Variants in LYN observed in about 807,000 individuals in gnomAD.
LYN encodes LYN proto-oncogene, Src family tyrosine kinase.
LYN carries 12 observed loss-of-function variants against 65.0 expected under a neutral mutation model. That is an observed-to-expected ratio of 0.18 (90% CI 0.12 to 0.30). The LOEUF (loss-of-function observed/expected upper bound fraction) is 0.30, where lower values mean the gene tolerates loss of function less well. Among genes scored for constraint, LYN ranks in the 10% least tolerant of loss-of-function variants. The probability of loss-of-function intolerance (pLI) is 1.00; values close to 1 mark genes in which losing one functional copy is unlikely to be tolerated. For synonymous variants in LYN, 222 were observed against 221.2 expected, an observed-to-expected ratio of 1.00 and a Z score of -0.03; for missense variants, 380 against 623.2, an observed-to-expected ratio of 0.61 and a Z score of 4.16.
intron 11 of LYN, among the ~76,000 whole-genome samples, chr8:55,999,209 G>C (rs2130584857): frequency 6.6e-6 from 1 of 152,108 alleles, no homozygotes; most frequent in East Asian, 1.9e-4. Flanking sequence ...AAGCATTGTT[G>C]AACAAGGATT....
intron 1 of LYN, among the ~76,000 whole-genome samples, chr8:55,917,038 G>A (rs1397004532): frequency 6.6e-6 from 1 of 151,876 alleles, no homozygotes; most frequent in African/African-American, 2.4e-5. Context: ...TTAGCCAGGC[G>A]CCGTGGTGCA....
intron 1 of LYN, among the ~76,000 whole-genome samples, chr8:55,922,186 C>T (rs1780830344): frequency 1.3e-5 from 2 of 152,264 alleles, no homozygotes; most frequent in South Asian, 2.1e-4. Flanking sequence ...CTCCCAGACA[C>T]AAGCAATTCT....
rs1806830686 is a variant in LYN, at chr8:55,947,874, G to A, written c.284+151G>A. The A allele has an allele frequency of 8.2e-6, 5 of 609,808 alleles. No homozygotes were observed. In the South Asian group the frequency reaches 9.5e-5, roughly 12 times the overall value. 37.8% of individuals were successfully genotyped at this position (609,808 alleles called of 1,614,324 possible). A position where few individuals can be genotyped will look rare whatever the true frequency, so the allele number is the denominator to read the frequency against. ...GCCTCCTTGCTACCCACAGGGAGTG[G>A]GCAGTGGAAGGAATAGAGCCAAAGG... On this transcript the variant is annotated intron_variant, in intron 4 of 12. Coordinates refer to ENST00000519728, the MANE Select transcript of LYN (RefSeq NM_002350.4).
chr8:55,909,127 A>G (rs1053674775), intron 1 of LYN, among the ~76,000 whole-genome samples: 1 of 151,264 alleles, frequency 6.6e-6, no homozygotes, highest in African/African-American at 2.4e-5. Flanking sequence ...TCAGTAGATC[A>G]TGGCGAATTT....
Position 55,976,055 on chromosome 8 carries a change from T to C in LYN, c.1050+6262T>C, listed in dbSNP as rs149707992. ...TGCTACCGTAAGTCACAAAATGCTA[T>C]TCTCTTTGGGTACTCATCATGGAAG... is the stretch of plus-strand genomic sequence containing the variant. On this transcript the variant is annotated intron_variant, in intron 10 of 12. Transcript: ENST00000519728. 5.5e-4 allele frequency among the ~76,000 whole-genome samples: 83 copies of C among 152,216 alleles called. 1 individual carries two copies. Among genetic ancestry groups the C allele is most frequent in the African/African-American group, 1.9e-3 (79 of 41,534 alleles).
intron 1 of LYN, among the ~76,000 whole-genome samples, chr8:55,928,253 C>G (rs1182917796): frequency 6.6e-6 from 1 of 152,194 alleles, no homozygotes; most frequent in Non-Finnish European, 1.5e-5. Flanking sequence ...TCAAGTGATT[C>G]TCATGCTTCA....
chr8:55,942,341 A>G (rs371765768), intron 2 of LYN, among the ~76,000 whole-genome samples: 45 of 134,656 alleles, frequency 3.3e-4, no homozygotes, highest in African/African-American at 1.2e-3. Context: ...GTATATATAT[A>G]TGTGTATATA....
At chr8:55,951,838 A>G (rs1263700574) in intron 6 of LYN, 128 bp from the exon 7 acceptor site, 3 of 716,748 alleles carry the variant, frequency 4.2e-6, no homozygotes, top group Non-Finnish European at 6.6e-6. Flanking sequence ...AAAATTATGC[A>G]TTTTATACAA....
At chr8:55,906,633 A>G (rs1805429094) in intron 1 of LYN, among the ~76,000 whole-genome samples, 1 of 152,054 alleles carries the variant, frequency 6.6e-6, no homozygotes, top group Admixed American at 6.6e-5. Context: ...CTGGGATTAC[A>G]GGCGTGAGCC....
chr8:56,006,877 C>A (rs183801819), intron 12 of LYN, among the ~76,000 whole-genome samples: 4 of 152,328 alleles, frequency 2.6e-5, no homozygotes, highest in African/African-American at 9.6e-5. Flanking sequence ...TTATTTCTTT[C>A]TTTCACAAGA....
chr8:56,003,049 GTTTTTGT>G (rs1314597631), intron 12 of LYN, among the ~76,000 whole-genome samples: 4 of 149,820 alleles, frequency 2.7e-5, no homozygotes, highest in Non-Finnish European at 5.9e-5. Context: ...TGCTGGCTAT[GTTTTTGT>G]TTTTTGTTTT....
chr8:56,000,773 G>A (rs895003861), intron 12 of LYN, among the ~76,000 whole-genome samples: 1 of 147,648 alleles, frequency 6.8e-6, no homozygotes, highest in African/African-American at 2.5e-5. Flanking sequence ...TTCTCCCAGA[G>A]CCTTCATATT....
intron 10 of LYN, among the ~76,000 whole-genome samples, chr8:55,982,646 C>A (rs577167806): frequency 6.6e-6 from 1 of 152,136 alleles, no homozygotes; most frequent in East Asian, 1.9e-4. Context: ...TGGTCAGCTC[C>A]GGCTGGCTTG....
chr8:55,977,655 G>A (rs756507286), intron 10 of LYN, among the ~76,000 whole-genome samples: 2 of 151,510 alleles, frequency 1.3e-5, no homozygotes, highest in Non-Finnish European at 1.5e-5. Context: ...GCTCATGCCT[G>A]TAATCCCAGC....
chr8:55,943,635 G>A (rs1224576237), intron 2 of LYN, among the ~76,000 whole-genome samples: 1 of 150,268 alleles, frequency 6.7e-6, no homozygotes, highest in East Asian at 2.0e-4. Context: ...GTTTTTAAAT[G>A]CTCAGGTGTT....
At position 55,880,059 on chromosome 8, in the gene LYN, A is replaced by T; in HGVS notation, c.-50A>T. 6.3e-6 allele frequency: 2 copies of T among 318,268 alleles called. No homozygotes were observed. The highest frequency in any genetic ancestry group is 2.2e-5 in the South Asian group (1 of 44,714). The allele number at this position is 318,268 out of a possible 1,614,324, so 19.7% of individuals were successfully genotyped here. ...CGTCGCGCCCCCCACTCTGAACTCA[A>T]GTCACCGTGGAGCTCCGCCGCCCCG... On this transcript the variant is annotated 5_prime_UTR_variant, in exon 1 of 13. The change creates a new upstream start codon in the 5' untranslated region. Transcript: ENST00000519728.
intron 8 of LYN, among the ~76,000 whole-genome samples, chr8:55,961,629 G>A (rs547320327): frequency 7.2e-5 from 11 of 151,780 alleles, no homozygotes; most frequent in Admixed American, 3.3e-4. Flanking sequence ...CTTGGAAAGC[G>A]TTTTTTTTCC....
intron 8 of LYN, among the ~76,000 whole-genome samples, chr8:55,965,831 AT>A (rs1333258092): frequency 6.6e-6 from 1 of 152,166 alleles, no homozygotes; most frequent in Non-Finnish European, 1.5e-5. Context: ...TTAGAGAAAA[AT>A]ATTAGTCCTC....
At chr8:55,920,855 C>T (rs57171753) in intron 1 of LYN, among the ~76,000 whole-genome samples, 5,523 of 151,278 alleles carry the variant, frequency 0.037, 99 homozygotes, top group Middle Eastern at 0.051. Context: ...TGCTACCACG[C>T]CTGGCTAATT....
Sources: gnomAD v4.1 joint callset for allele counts (sites outside exome capture counted in the v4.1 genomes callset) on GRCh38, gnomAD v4.1.1 for gene constraint, MANE v1.5 for transcripts, NCBI Gene and HGNC (gene_info 2026-07-23, HGNC 2026-07-21) for gene names.